The following TRPM2 variants were observed in gnomAD, a reference collection of about 807,000 sequenced individuals.
The protein encoded by TRPM2 is estrogen-responsive element-associated gene 1 protein.
TRPM2 carries 161 observed loss-of-function variants against 174.0 expected under a neutral mutation model. That is an observed-to-expected ratio of 0.93 (90% CI 0.81 to 1.05). TRPM2 has a LOEUF of 1.05. Among genes scored for constraint, TRPM2 ranks in the 50% least tolerant of loss-of-function variants. TRPM2 has a pLI of 0.00. For missense variants in TRPM2, 2,057 were observed against 2,038.0 expected, an observed-to-expected ratio of 1.01 and a Z score of -0.18; for synonymous variants, 954 against 861.3, an observed-to-expected ratio of 1.11 and a Z score of -1.88.
chr21:44,404,559 G>A (rs1264002021), intron 16 of TRPM2, among the ~76,000 whole-genome samples: 2 of 152,202 alleles, frequency 1.3e-5, no homozygotes, highest in Non-Finnish European at 2.9e-5. Context: ...CACTGACCCA[G>A]CTCTCTTCAG....
intron 19 of TRPM2, among the ~76,000 whole-genome samples, chr21:44,412,384 A>G (rs1042713704): frequency 5.9e-5 from 9 of 151,966 alleles, no homozygotes; most frequent in Non-Finnish European, 1.0e-4. Flanking sequence ...TTAGCATACA[A>G]TTTTCTCTAG....
upstream of TRPM2, among the ~76,000 whole-genome samples, chr21:44,352,055 A>G (rs2047934530): frequency 2.6e-5 from 4 of 152,202 alleles, no homozygotes; most frequent in Admixed American, 2.0e-4. Context: ...AGCCACCTGC[A>G]GTCTGGGTCC....
At chr21:44,415,676 A>C (rs2050255932) in intron 20 of TRPM2, 2 of 152,210 alleles carry the variant, frequency 1.3e-5, no homozygotes, top group African/African-American at 4.8e-5. Context: ...CTCTTTGAAA[A>C]TGTCTAGGAT....
intron 9 of TRPM2, among the ~76,000 whole-genome samples, chr21:44,387,716 A>G (rs1439560951): frequency 6.6e-6 from 1 of 152,182 alleles, no homozygotes; most frequent in Non-Finnish European, 1.5e-5. Context: ...AAAAAACACA[A>G]TTCAAAAATG....
Position 44,405,933 on chromosome 21 carries a change from C to T in TRPM2, c.2686C>T (p.Arg896Cys), listed in dbSNP as rs141768349. Reference protein sequence around the residue: ...RLIPATLYPGRVILSLDFILF... With the variant: ...RLIPATLYPGCVILSLDFILF... ...CATCCCGGCGACGCTGTACCCCGGG[C>T]GCGTCATCCTCTCTCTGGACTTCAT... Residue 896 changes from arginine (R) to cysteine (C), a missense_variant, in exon 18 of 32, where the codon CGC (arginine) becomes TGC (cysteine). Physicochemically the swap from Arg to Cys is radical, Grantham distance 180. Transcript: ENST00000397928. 8.7e-6 allele frequency: 14 copies of T among 1,606,170 alleles called. No homozygotes were observed. Among genetic ancestry groups the T allele is most frequent in the Middle Eastern group, 1.6e-4 (1 of 6,076 alleles).
In TRPM2 at chr21:44,426,652, T is replaced by A; in HGVS notation, c.3796-8T>A. 6.2e-7 allele frequency: 1 copy of A among 1,614,156 alleles called. No homozygotes were observed. On this transcript the variant is annotated splice_region_variant and splice_polypyrimidine_tract_variant and intron_variant, in intron 25 of 31. Coordinates refer to ENST00000397928, the MANE Select transcript of TRPM2 (RefSeq NM_003307.4). ...AAATCTGAGGGAAAACTCCCTGTTT[T>A]GCGACAGACGGAGTTCCTGATCTAT...
Position 44,366,820 on chromosome 21 carries a change from C to T in TRPM2, c.490C>T (p.Leu164=), listed in dbSNP as rs1201616555. The T allele has an allele frequency of 1.2e-6, 2 of 1,614,012 alleles. No individual in the cohort carries two copies. Among genetic ancestry groups the T allele is most frequent in the East Asian group, 2.2e-5 (1 of 44,864 alleles). ...CCACCTCATGACCCAGCACTGGGGG[C>T]TGGACGTCCCCAATCTCTTGATCTC... ...IYHLMTQHWG[L]DVPNLLISVT... Residue 164 remains leucine (L), a synonymous_variant, in exon 4 of 32, where the codon CTG becomes TTG. Transcript: ENST00000397928. This position sits in a 1 kb window ranked among gnomAD's most constrained non-coding sequence, Gnocchi z 6.0.
In TRPM2 at chr21:44,400,261, C is replaced by T. The variant is rs577132341; in HGVS notation, c.2211C>T (p.Ala737=). Residue 737 remains alanine (A), a splice_region_variant and synonymous_variant, in exon 15 of 32, where the codon GCC becomes GCT. Coordinates refer to ENST00000397928, the MANE Select transcript of TRPM2 (RefSeq NM_003307.4). The stretch of plus-strand genomic sequence containing the variant: ...CCTGAGACTGCCCCCATCCGCAGGC[C>T]TTCCTGACCAAGGTGTGGTGGGGCC... The part of the protein sequence containing the change: ...MKFVSHGGIQ[A]FLTKVWWGQL... 1.9e-6 allele frequency: 3 copies of T among 1,612,094 alleles called. No homozygotes were observed. The South Asian group carries it at 3.3e-5, about 18-fold the overall frequency.
intron 11 of TRPM2, among the ~76,000 whole-genome samples, chr21:44,393,334 T>G (rs1215201492): frequency 1.3e-5 from 2 of 152,210 alleles, no homozygotes; most frequent in Non-Finnish European, 2.9e-5. Flanking sequence ...GACCTATGAA[T>G]TTGGTGAATT....
At chr21:44,423,540 CAG>C (rs2050627083) in intron 22 of TRPM2, 103 bp from the exon 23 acceptor site, 1 of 922,418 alleles carries the variant, frequency 1.1e-6, no homozygotes, top group Admixed American at 2.0e-5. Context: ...AAGGCTGACA[CAG>C]GGCCTTGGTG....
Position 44,377,519 on chromosome 21 carries a change from G to A in TRPM2, c.953-193G>A, listed in dbSNP as rs184938420. Among the ~76,000 whole-genome samples the A allele has an allele frequency of 1.9e-3, 286 of 152,368 alleles. 1 individual carries two copies. Among genetic ancestry groups the A allele is most frequent in the Admixed American group, 6.7e-3 (102 of 15,310 alleles). The stretch of plus-strand genomic sequence containing the variant: ...AAACGGCGACTCAGCACTGGCAAGA[G>A]GCCTCCCAGCAGGTGCTTCAGTGTG... On this transcript the variant is annotated intron_variant, in intron 6 of 31. Coordinates refer to ENST00000397928, the MANE Select transcript of TRPM2 (RefSeq NM_003307.4).
chr21:44,434,004 G>T (rs1469991264), intron 27 of TRPM2, among the ~76,000 whole-genome samples: 1 of 152,202 alleles, frequency 6.6e-6, no homozygotes, highest in Non-Finnish European at 1.5e-5. Context: ...CGCAGGCCTG[G>T]CTGGTGGCCG....
At position 44,434,327 on chromosome 21, in the gene TRPM2, G is replaced by T. The variant is rs550067805; in HGVS notation, c.3975-804G>T. Reference sequence around the variant, plus strand: ...GACGGAGACTGTGGCGAGGACTGTGGCAGGGACGCTGGCAGGGATGGTGAC... The same window carrying T: ...GACGGAGACTGTGGCGAGGACTGTGTCAGGGACGCTGGCAGGGATGGTGAC... On this transcript the variant is annotated intron_variant, in intron 27 of 31. Coordinates refer to ENST00000397928, the MANE Select transcript of TRPM2 (RefSeq NM_003307.4). 6.0e-5 allele frequency among the ~76,000 whole-genome samples: 9 copies of T among 150,960 alleles called. No individual in the cohort carries two copies. In the East Asian group the frequency reaches 1.8e-3, roughly 29 times the overall value.
At chr21:44,387,066 G>T (rs1244366349) in intron 9 of TRPM2, among the ~76,000 whole-genome samples, 2 of 152,072 alleles carry the variant, frequency 1.3e-5, no homozygotes, top group African/African-American at 4.8e-5. Flanking sequence ...CATGCTTGTA[G>T]TCCCAGCTGT....
intron 5 of TRPM2, among the ~76,000 whole-genome samples, chr21:44,370,324 C>A (rs2048496650): frequency 6.6e-6 from 1 of 152,108 alleles, no homozygotes; most frequent in African/African-American, 2.4e-5. Flanking sequence ...TGCTGTGGTC[C>A]CTGGCAGCCA....
At chr21:44,396,832 C>A (rs71322562) in intron 12 of TRPM2, among the ~76,000 whole-genome samples, 1 of 7,774 alleles carries the variant, frequency 1.3e-4, no homozygotes, top group South Asian at 6.3e-3. Context: ...GGTGTGGAGG[C>A]TGTGGAGGGG....
upstream of TRPM2, chr21:44,350,252 C>A: frequency 6.6e-6 from 1 of 151,704 alleles, no homozygotes; most frequent in South Asian, 1.9e-4. Context: ...CGGGTGACGC[C>A]GGGGCGCGGG....
rs2048013086 is a variant in TRPM2 at position 44,354,947 on chromosome 21, G to A, written c.254+211G>A. Among the ~76,000 whole-genome samples, 1 of 152,186 alleles carries A rather than the reference G, an allele frequency of 6.6e-6. No homozygotes were observed. The highest frequency in any genetic ancestry group is 2.4e-5 in the African/African-American group (1 of 41,432). ...AGTTGACCCTCATCCTGCCTCGCAG[G>A]TGCAGGGACCAAAGTGCAGAGTTTA... On this transcript the variant is annotated intron_variant, in intron 2 of 31. Coordinates refer to ENST00000397928, the MANE Select transcript of TRPM2 (RefSeq NM_003307.4). This position sits in a 1 kb window ranked among gnomAD's most constrained non-coding sequence, Gnocchi z 4.3.
upstream of TRPM2, among the ~76,000 whole-genome samples, chr21:44,352,424 C>T (rs1321100724): frequency 6.6e-6 from 1 of 152,260 alleles, no homozygotes; most frequent in Non-Finnish European, 1.5e-5. Context: ...GAGCTTCGAG[C>T]TGCGTGGCCC....
Sources: gnomAD v4.1 joint callset for allele counts (sites outside exome capture counted in the v4.1 genomes callset) on GRCh38, gnomAD v4.1.1 for gene constraint, Gnocchi (gnomAD v3.1) non-coding constraint, MANE v1.5 for transcripts, NCBI Gene and HGNC (gene_info 2026-07-23, HGNC 2026-07-21) for gene names.